Variants in YTHDC2 observed in about 807,000 individuals in gnomAD.
YTHDC2 encodes 3'-5' RNA helicase YTHDC2.
Under a neutral mutation model 174.9 loss-of-function variants are expected in YTHDC2, and 45 were observed. The observed-to-expected ratio is 0.26, with a 90% confidence interval of 0.20 to 0.33. The LOEUF is 0.33. YTHDC2 is among the 10% of genes least tolerant of loss of function. The pLI is 1.00. For synonymous variants in YTHDC2, 657 were observed against 574.5 expected (o/e 1.14, Z -2.05); for missense variants, 1,650 against 1,723.7 (o/e 0.96, Z 0.76).
intron 17 of YTHDC2, among the ~76,000 whole-genome samples, chr5:113,559,272 G>A (rs1023691399): frequency 1.3e-5 from 2 of 152,002 alleles, no homozygotes; most frequent in Non-Finnish European, 2.9e-5. Flanking sequence ...AAAATTTTTT[G>A]CACCAAAATA....
Position 113,553,170 on chromosome 5 carries a change from T to A in YTHDC2, c.1689-11T>A, listed in dbSNP as rs1776368997. Reference sequence around the variant, plus strand: ...AATTGACTTTGTCTTTTTTTTTTTTTTTTTTTTCAGTGCTACACTGGAATT... The same window carrying A: ...AATTGACTTTGTCTTTTTTTTTTTTATTTTTTTCAGTGCTACACTGGAATT... On this transcript the variant is annotated splice_polypyrimidine_tract_variant and intron_variant, in intron 12 of 29. Coordinates refer to ENST00000161863, the MANE Select transcript of YTHDC2 (RefSeq NM_022828.5). 1 of 1,378,166 alleles carries A rather than the reference T, an allele frequency of 7.3e-7. No homozygotes were observed. The highest frequency in any genetic ancestry group is 2.8e-5 in the East Asian group (1 of 35,848). The allele number at this position is 1,378,166 out of a possible 1,614,324, so 85.4% of individuals were successfully genotyped here. A position where few individuals can be genotyped will look rare whatever the true frequency, so the allele number is the denominator to read the frequency against.
At chr5:113,526,826 A>AAAAT (rs754909013) in intron 4 of YTHDC2, 41 bp downstream of exon 4, 14 of 146,230 alleles carry the variant, frequency 9.6e-5, no homozygotes, top group South Asian at 2.6e-4. Flanking sequence ...AAAAAAAAAA[A>AAAAT]ATATATATAT....
At chr5:113,561,613 C>T (rs1410446493) in intron 18 of YTHDC2, among the ~76,000 whole-genome samples, 4 of 151,430 alleles carry the variant, frequency 2.6e-5, no homozygotes, top group Admixed American at 6.6e-5. Flanking sequence ...GGATTACAGG[C>T]GCCCACCACC....
rs537735353 is a variant in YTHDC2, at chr5:113,533,520, G to C, written c.842+475G>C. Reference sequence around the variant, plus strand: ...GCTGAGATCGCACCATGGCACTCCAGCCTGGGCAACAAGAGCGAAACCGTC... The same window carrying C: ...GCTGAGATCGCACCATGGCACTCCACCCTGGGCAACAAGAGCGAAACCGTC... On this transcript the variant is annotated intron_variant, in intron 5 of 29. Transcript: ENST00000161863. Among the ~76,000 whole-genome samples the C allele has an allele frequency of 4.0e-5, 6 of 151,512 alleles. No individual in the cohort carries two copies. The East Asian group carries it at 1.2e-3, about 29-fold the overall frequency.
chr5:113,553,872 T>G lies in YTHDC2; in HGVS notation c.2052+18T>G, dbSNP rs997509180. 1.0e-6 allele frequency: 1 copy of G among 1,000,560 alleles called. No individual in the cohort carries two copies. The highest frequency in any genetic ancestry group is 1.3e-6 in the Non-Finnish European group (1 of 772,738). 62.0% of individuals were successfully genotyped at this position (1,000,560 alleles called of 1,614,324 possible). ...GAAAAATAGTAAGCTTCATAAAATC[T>G]TCTTTTTAACACTTTCATTAGTTAT... On this transcript the variant is annotated intron_variant, in intron 15 of 29. Coordinates refer to ENST00000161863, the MANE Select transcript of YTHDC2 (RefSeq NM_022828.5).
chr5:113,545,700 T>C (rs552763404), intron 10 of YTHDC2, among the ~76,000 whole-genome samples: 1 of 150,834 alleles, frequency 6.6e-6, no homozygotes, highest in Non-Finnish European at 1.5e-5. Context: ...GCCCTCATTA[T>C]TGATTTTTTG....
At chr5:113,587,491 ATAATATATATAATGTATTTATATG>A (rs1233456381) in intron 26 of YTHDC2, among the ~76,000 whole-genome samples, 1 of 132,740 alleles carries the variant, frequency 7.5e-6, no homozygotes, top group East Asian at 2.1e-4. Context: ...ATGTATTCAT[ATAATATATATAATGTATTTATATG>A]TAATATATAT....
intron 20 of YTHDC2, among the ~76,000 whole-genome samples, chr5:113,564,588 TAA>T (rs1435723456): frequency 6.6e-6 from 1 of 152,178 alleles, no homozygotes; most frequent in African/African-American, 2.4e-5. Context: ...CTTAATTTTG[TAA>T]AGCAAAATAC....
intron 23 of YTHDC2, among the ~76,000 whole-genome samples, chr5:113,576,517 A>G (rs528770590): frequency 6.6e-6 from 1 of 152,296 alleles, no homozygotes; most frequent in Admixed American, 6.5e-5. Context: ...GATATTATTC[A>G]TGGTTCTTTC....
chr5:113,542,866 C>T (rs1334677590), intron 10 of YTHDC2, among the ~76,000 whole-genome samples: 5 of 152,180 alleles, frequency 3.3e-5, no homozygotes, highest in African/African-American at 1.2e-4. Context: ...CTGAAGCCCT[C>T]AGCATTATAA....
In YTHDC2 at chr5:113,593,313, C is replaced by A; in HGVS notation, c.4223C>A (p.Pro1408His). Reference sequence around the variant, plus strand: ...TTCTGATTTATCTAGGAACTAGAACCTCTGGTTGGTGAACAGTTGCTCCAG... The same window carrying A: ...TTCTGATTTATCTAGGAACTAGAACATCTGGTTGGTGAACAGTTGCTCCAG... Reference protein sequence around the residue: ...QISRDGQELEPLVGEQLLQLW... With the variant: ...QISRDGQELEHLVGEQLLQLW... The change falls in exon 29 of 30, where the codon CCT becomes CAT. Residue 1408 changes from proline to histidine, a missense_variant. Physicochemically the swap from Pro to His is moderately conservative, Grantham distance 77. Transcript: ENST00000161863. 6.2e-7 allele frequency: 1 copy of A among 1,612,254 alleles called. No homozygotes were observed. Among genetic ancestry groups the A allele is most frequent in the Non-Finnish European group, 8.5e-7 (1 of 1,178,842 alleles).
chr5:113,529,940 TGTAGA>T (rs1009925540), intron 4 of YTHDC2, among the ~76,000 whole-genome samples: 1 of 152,158 alleles, frequency 6.6e-6, no homozygotes, highest in Non-Finnish European at 1.5e-5. Context: ...TATTTATTTA[TGTAGA>T]GGTGGGGTAT....
Position 113,563,390 on chromosome 5 carries a change from C to T in YTHDC2, c.2340C>T (p.Thr780=). The change falls in exon 19 of 30, where the codon ACC becomes ACT. Residue 780 remains threonine (T), a synonymous_variant. Transcript: ENST00000161863. The stretch of plus-strand genomic sequence containing the variant: ...GTTTATAGGAACTTTGCTTACATAC[C>T]AAGCTGTTAGCCCCAGTTAATTGTC... ...RMPLQELCLH[T]KLLAPVNCPI... 6.2e-7 allele frequency: 1 copy of T among 1,609,852 alleles called. No homozygotes were observed. The highest frequency in any genetic ancestry group is 2.2e-5 in the East Asian group (1 of 44,750).
chr5:113,548,462 A>C, intron 10 of YTHDC2, 79 bp from the exon 11 acceptor site: 2 of 1,389,858 alleles, frequency 1.4e-6, no homozygotes, highest in Non-Finnish European at 1.9e-6. Context: ...CAGTTCTGCT[A>C]TTTCAGATTT....
At chr5:113,517,631 T>C (rs1404430340) in intron 2 of YTHDC2, 2 of 456,092 alleles carry the variant, frequency 4.4e-6, no homozygotes, top group African/African-American at 4.0e-5. Flanking sequence ...ATTTATCCAG[T>C]CCCTAATACC....
At chr5:113,586,395 G>A (rs1184974893) in intron 26 of YTHDC2, among the ~76,000 whole-genome samples, 1 of 151,870 alleles carries the variant, frequency 6.6e-6, no homozygotes, top group Non-Finnish European at 1.5e-5. Flanking sequence ...AGAGTTTTCT[G>A]TATATTCTGG....
intron 28 of YTHDC2, chr5:113,592,840 G>T (rs577013871): frequency 6.6e-6 from 1 of 152,404 alleles, no homozygotes; most frequent in Non-Finnish European, 1.5e-5. Context: ...GAAGAAATAT[G>T]TTAGCTAGAA....
intron 10 of YTHDC2, among the ~76,000 whole-genome samples, chr5:113,547,961 A>G (rs1185647697): frequency 6.6e-6 from 1 of 152,182 alleles, no homozygotes; most frequent in Non-Finnish European, 1.5e-5. Flanking sequence ...AGAAACTTCA[A>G]TAGAACTTTA....
In YTHDC2 at chr5:113,526,832, T is replaced by A. The variant is rs778709566; in HGVS notation, c.675+47T>A. The A allele has an allele frequency of 9.3e-3, 2,886 of 310,246 alleles. 71 individuals are homozygous for A. Among genetic ancestry groups the A allele is most frequent in the African/African-American group, 0.054 (2,200 of 40,434 alleles). The allele number at this position is 310,246 out of a possible 1,614,324, so 19.2% of individuals were successfully genotyped here. A position where few individuals can be genotyped will look rare whatever the true frequency, so the allele number is the denominator to read the frequency against. On this transcript the variant is annotated intron_variant, in intron 4 of 29. Transcript: ENST00000161863. ...TATAGAAAAAAAAAAAAAAAATATA[T>A]ATATATATATATATATAGTCCCATA... is the stretch of plus-strand genomic sequence containing the variant.
Sources: gnomAD v4.1 joint callset for allele counts (sites outside exome capture counted in the v4.1 genomes callset) on GRCh38, gnomAD v4.1.1 for gene constraint, MANE v1.5 for transcripts, NCBI Gene and HGNC (gene_info 2026-07-23, HGNC 2026-07-21) for gene names.